The following CENPO variants were observed in gnomAD, a reference collection of about 807,000 sequenced individuals.
CENPO encodes the protein centromeric protein O.
CENPO carries 30 observed loss-of-function variants against 36.1 expected under a neutral mutation model. The ratio of observed to expected loss-of-function variants is 0.83; its 90% CI spans 0.62 to 1.13. CENPO has a LOEUF of 1.13. CENPO is among the 50% of genes most tolerant of loss of function. CENPO has a pLI of 0.00. For missense variants in CENPO, 349 were observed against 357.8 expected (o/e 0.98, Z 0.20); for synonymous variants, 171 against 142.3 (o/e 1.20, Z -1.44).
At chr2:24,802,270 C>T (rs1164826485) in intron 3 of CENPO, among the ~76,000 whole-genome samples, 1 of 152,068 alleles carries the variant, frequency 6.6e-6, no homozygotes, top group African/African-American at 2.4e-5. Flanking sequence ...ATGTCATCTG[C>T]AAACAGGGAC....
Position 24,820,246 on chromosome 2 carries a change from T to C in CENPO, c.*928T>C. 1 of 1,194,502 alleles carries C rather than the reference T, an allele frequency of 8.4e-7. No individual in the cohort carries two copies. The highest frequency in any genetic ancestry group is 1.1e-6 in the Non-Finnish European group (1 of 904,294). 74.0% of individuals were successfully genotyped at this position (1,194,502 alleles called of 1,614,324 possible). A position where few individuals can be genotyped will look rare whatever the true frequency, so the allele number is the denominator to read the frequency against. On this transcript the variant is annotated 3_prime_UTR_variant, in exon 8 of 8. Transcript: ENST00000380834. ...AGCAGTACGGGACACTCCCCAAACC[T>C]CCCAGGGCCAAGCCCTTCCACCCGT...
intron 6 of CENPO, 139 bp downstream of exon 6, chr2:24,816,956 G>T (rs890999985): frequency 1.5e-6 from 1 of 668,528 alleles, no homozygotes; most frequent in South Asian, 3.3e-5. Context: ...AGACCGGTAA[G>T]ATAGAACATT....
At chr2:24,799,883 T>C (rs763093996) in intron 3 of CENPO, 39 bp downstream of exon 3, 3 of 1,600,288 alleles carry the variant, frequency 1.9e-6, no homozygotes, top group East Asian at 2.2e-5. Flanking sequence ...CTTTAGAGTA[T>C]AATGAACAAA....
Position 24,821,021 on chromosome 2 carries a change from C to CAGGA in CENPO, c.*1703_*1704insAGGA, listed in dbSNP as rs1553330707. On this transcript the variant is annotated 3_prime_UTR_variant, in exon 8 of 8. Transcript: ENST00000380834. The stretch of plus-strand genomic sequence containing the variant: ...GTGGAAATCACATCTCCTGTTTATC[C>CAGGA]GTGTGCTTGTTAGGTGTCAGCCGCC... The CAGGA allele has an allele frequency of 1.1e-6, 1 of 937,576 alleles. No homozygotes were observed. Among genetic ancestry groups the CAGGA allele is most frequent in the Non-Finnish European group, 1.5e-6 (1 of 649,868 alleles). The allele number at this position is 937,576 out of a possible 1,614,324, so 58.1% of individuals were successfully genotyped here.
In CENPO at chr2:24,814,349, A is replaced by G. The variant is rs778008964; in HGVS notation, c.217-27A>G. On this transcript the variant is annotated intron_variant, in intron 3 of 7. Transcript: ENST00000380834. ...ATGTTGTAGTGTACCTCTTTGTACC[A>G]AGATTGATTTGCTGCATATCTTGCA... The G allele has an allele frequency of 7.2e-6, 8 of 1,117,396 alleles. 1 individual carries two copies. Among genetic ancestry groups the G allele is most frequent in the Admixed American group, 1.7e-5 (1 of 59,400 alleles). 69.2% of individuals were successfully genotyped at this position (1,117,396 alleles called of 1,614,324 possible). A position where few individuals can be genotyped will look rare whatever the true frequency, so the allele number is the denominator to read the frequency against.
rs2148291551 is a variant in CENPO at position 24,816,685 on chromosome 2, A to C, written c.634A>C (p.Asn212His). The change falls in exon 6 of 8, where the codon AAC becomes CAC. Residue 212 changes from asparagine (N) to histidine (H), a missense_variant. Physicochemically the swap from Asn to His is moderately conservative, Grantham distance 68. Transcript: ENST00000380834. ...CCTCCTGACTGGGCCCTTGCAGAGA[A>C]ACCCACTGTGTAACTTGCTGTCATT... ...AALLTGPLQR[N>H]PLCNLLSFTY... is the part of the protein sequence containing the mutation. 1.2e-6 allele frequency: 2 copies of C among 1,612,632 alleles called. No individual in the cohort carries two copies. Among genetic ancestry groups the C allele is most frequent in the South Asian group, 1.1e-5 (1 of 90,588 alleles).
At chr2:24,809,899 T>G (rs886930281) in intron 3 of CENPO, among the ~76,000 whole-genome samples, 2 of 152,292 alleles carry the variant, frequency 1.3e-5, no homozygotes, top group Non-Finnish European at 2.9e-5. Context: ...TCTTACATCC[T>G]TAGCTGAGTG....
intron 7 of CENPO, among the ~76,000 whole-genome samples, chr2:24,818,788 G>A (rs759561192): frequency 2.6e-5 from 4 of 152,310 alleles, no homozygotes; most frequent in African/African-American, 9.6e-5. Flanking sequence ...GTTCCTTGGC[G>A]TGTGGGTCAC....
chr2:24,818,278 C>A (rs1463357017), intron 7 of CENPO, among the ~76,000 whole-genome samples: 1 of 152,176 alleles, frequency 6.6e-6, no homozygotes, highest in Admixed American at 6.5e-5. Context: ...TGTAGCACTC[C>A]ACTCAAACTG....
rs1558380278 is a variant in CENPO at position 24,814,503 on chromosome 2, G to T, written c.334+10G>T. Reference sequence around the variant, plus strand: ...GCATATCATTTTACAGGTTTTGTTTGTTTTTTTAACCTAATTTAGTCTGGG... The same window carrying T: ...GCATATCATTTTACAGGTTTTGTTTTTTTTTTTAACCTAATTTAGTCTGGG... On this transcript the variant is annotated intron_variant, in intron 4 of 7. Coordinates refer to ENST00000380834, the MANE Select transcript of CENPO (RefSeq NM_001322101.2). The T allele has an allele frequency of 7.4e-7, 1 of 1,353,172 alleles. No homozygotes were observed. Among genetic ancestry groups the T allele is most frequent in the South Asian group, 1.2e-5 (1 of 85,852 alleles). The allele number at this position is 1,353,172 out of a possible 1,614,324, so 83.8% of individuals were successfully genotyped here. A position where few individuals can be genotyped will look rare whatever the true frequency, so the allele number is the denominator to read the frequency against.
intron 3 of CENPO, among the ~76,000 whole-genome samples, chr2:24,809,357 A>G (rs1666572279): frequency 6.6e-6 from 1 of 151,908 alleles, no homozygotes; most frequent in South Asian, 2.1e-4. Flanking sequence ...TCTGCTCATT[A>G]TTATTTTCTT....
At chr2:24,796,540 C>T (rs78865975) in intron 2 of CENPO, among the ~76,000 whole-genome samples, 6,134 of 152,062 alleles carry the variant, frequency 0.04, 204 homozygotes, top group Non-Finnish European at 0.058. Context: ...TGGCCGGGTG[C>T]GGTGGCTCAC....
chr2:24,804,157 CT>C (rs764230637), intron 3 of CENPO, among the ~76,000 whole-genome samples: 13 of 151,330 alleles, frequency 8.6e-5, no homozygotes, highest in Middle Eastern at 3.4e-3. Flanking sequence ...GCAACCCCTG[CT>C]TTTTTTTTGT....
chr2:24,809,502 C>A (rs1666578380), intron 3 of CENPO, among the ~76,000 whole-genome samples: 1 of 151,792 alleles, frequency 6.6e-6, no homozygotes, highest in African/African-American at 2.4e-5. Context: ...TAAATGTGTC[C>A]CACAAGTTTT....
In CENPO at chr2:24,819,889, A is replaced by G; in HGVS notation, c.*571A>G. Reference sequence around the variant, plus strand: ...GGGACTTCCTTCAGTTTCAAAAAATAAATTCTCCCTTCCGGTTTGGACTGT... The same window carrying G: ...GGGACTTCCTTCAGTTTCAAAAAATGAATTCTCCCTTCCGGTTTGGACTGT... On this transcript the variant is annotated 3_prime_UTR_variant, in exon 8 of 8. Coordinates refer to ENST00000380834, the MANE Select transcript of CENPO (RefSeq NM_001322101.2). 6.3e-7 allele frequency: 1 copy of G among 1,593,510 alleles called. No individual in the cohort carries two copies. Among genetic ancestry groups the G allele is most frequent in the Admixed American group, 1.8e-5 (1 of 56,734 alleles).
chr2:24,815,127 G>A (rs1353207541), intron 4 of CENPO, among the ~76,000 whole-genome samples: 3 of 151,478 alleles, frequency 2.0e-5, no homozygotes, highest in Admixed American at 6.6e-5. Context: ...GGTCCCAGCT[G>A]TTTGGGAGGC....
intron 3 of CENPO, among the ~76,000 whole-genome samples, chr2:24,802,580 G>GA (rs2148261916): frequency 6.6e-6 from 1 of 152,322 alleles, no homozygotes; most frequent in South Asian, 2.1e-4. Context: ...CATCTATCGA[G>GA]ATAATCATGT....
intron 3 of CENPO, among the ~76,000 whole-genome samples, chr2:24,805,125 T>C (rs1259432273): frequency 1.3e-5 from 2 of 152,240 alleles, no homozygotes; most frequent in African/African-American, 4.8e-5. Context: ...AATCGGCTAC[T>C]GAGGCTTGTG....
chr2:24,817,932 G>C, intron 7 of CENPO, 91 bp downstream of exon 7: 1 of 1,043,742 alleles, frequency 9.6e-7, no homozygotes, highest in South Asian at 1.7e-5. Context: ...ACACCTACCT[G>C]TTCATCTGGA....
Sources: gnomAD v4.1 joint callset for allele counts (sites outside exome capture counted in the v4.1 genomes callset) on GRCh38, gnomAD v4.1.1 for gene constraint, MANE v1.5 for transcripts, NCBI Gene and HGNC (gene_info 2026-07-23, HGNC 2026-07-21) for gene names.